Variants in SDCCAG8 observed in about 807,000 individuals in gnomAD.
SDCCAG8 encodes SHH signaling and ciliogenesis regulator SDCCAG8, also known as serologically defined colon cancer antigen 8.
A neutral mutation model predicts 101.8 loss-of-function variants in SDCCAG8; 74 were observed. The observed-to-expected ratio is 0.73, with a 90% CI of 0.60 to 0.88. SDCCAG8 has a LOEUF of 0.88. Ranked by LOEUF, SDCCAG8 falls within the 40% of genes least tolerant of loss-of-function variation. SDCCAG8 has a pLI of 0.00. For synonymous variants in SDCCAG8, 281 were observed against 292.9 expected (o/e 0.96, Z 0.41); for missense variants, 787 against 822.6 (o/e 0.96, Z 0.53).
In SDCCAG8 at chr1:243,499,750, T is replaced by G; in HGVS notation, c.2113-6T>G. On this transcript the variant is annotated splice_region_variant and splice_polypyrimidine_tract_variant and intron_variant, in intron 17 of 17. Transcript: ENST00000366541. Reference sequence around the variant, plus strand: ...ATTGAAACTTACTTTTTATTATTTTTTCCAGTTACCCAGCATGCCACAATC... The same window carrying G: ...ATTGAAACTTACTTTTTATTATTTTGTCCAGTTACCCAGCATGCCACAATC... 6.2e-7 allele frequency: 1 copy of G among 1,610,042 alleles called. No homozygotes were observed. Among genetic ancestry groups the G allele is most frequent in the Non-Finnish European group, 8.5e-7 (1 of 1,176,438 alleles).
intron 16 of SDCCAG8, among the ~76,000 whole-genome samples, chr1:243,452,017 C>CGA (rs2083392802): frequency 6.6e-6 from 1 of 152,144 alleles, no homozygotes; most frequent in Non-Finnish European, 1.5e-5. Flanking sequence ...AAAACCCTTC[C>CGA]ATCAAAGGCC....
chr1:243,367,355 G>T (rs1172489988), intron 12 of SDCCAG8, among the ~76,000 whole-genome samples: 1 of 151,896 alleles, frequency 6.6e-6, no homozygotes, highest in Admixed American at 6.6e-5. Flanking sequence ...GTTTATTTTT[G>T]ATTTGAATAC....
chr1:243,391,609 G>T (rs2078703675), intron 13 of SDCCAG8, among the ~76,000 whole-genome samples: 1 of 152,202 alleles, frequency 6.6e-6, no homozygotes. Context: ...AGGCTGCTTG[G>T]TTTTCAGAAT....
chr1:243,496,105 T>C (rs942297588), intron 17 of SDCCAG8, among the ~76,000 whole-genome samples: 4 of 152,242 alleles, frequency 2.6e-5, no homozygotes, highest in Admixed American at 1.3e-4. Context: ...GCTGAGATCA[T>C]TGTGGGCTTG....
chr1:243,456,242 A>G (rs907730207), intron 16 of SDCCAG8, among the ~76,000 whole-genome samples: 3 of 152,184 alleles, frequency 2.0e-5, no homozygotes, highest in Admixed American at 6.5e-5. Context: ...GAGAAGAGTC[A>G]TCGGGTTCTG....
chr1:243,408,095 C>A (rs566149670), intron 13 of SDCCAG8, among the ~76,000 whole-genome samples: 3 of 152,214 alleles, frequency 2.0e-5, no homozygotes, highest in African/African-American at 7.2e-5. Flanking sequence ...TAGAGATTAT[C>A]TTATCATATT....
At chr1:243,426,061 T>C (rs2081317815) in intron 15 of SDCCAG8, among the ~76,000 whole-genome samples, 4 of 152,222 alleles carry the variant, frequency 2.6e-5, no homozygotes, top group African/African-American at 7.2e-5. Flanking sequence ...AACTCTGTTA[T>C]AGAAATTAGG....
intron 16 of SDCCAG8, chr1:243,488,479 G>C (rs1390471199): frequency 5.4e-6 from 1 of 184,246 alleles, no homozygotes; most frequent in East Asian, 1.4e-4. Context: ...AATGGTCTGA[G>C]TGAATTAGCA....
chr1:243,391,035 G>A (rs141449768), intron 13 of SDCCAG8, among the ~76,000 whole-genome samples: 2 of 152,306 alleles, frequency 1.3e-5, no homozygotes, highest in East Asian at 3.9e-4. Flanking sequence ...CTGGGCTCAA[G>A]CGGAACTCCC....
rs34783752 is a variant in SDCCAG8 at position 243,377,830 on chromosome 1, C to CTT, written c.1474-881_1474-880dup. ...GAATTTGAAAATGTTTCTGCCCTTT[C>CTT]TTTTTTTTTTTCTTGTTTTAATAGC... On this transcript the variant is annotated intron_variant, in intron 12 of 17. Transcript: ENST00000366541. Among the ~76,000 whole-genome samples the CTT allele has an allele frequency of 2.3e-3, 330 of 144,896 alleles. 2 individuals carry two copies. Among genetic ancestry groups the CTT allele is most frequent in the African/African-American group, 6.5e-3 (260 of 39,982 alleles).
At chr1:243,433,532 A>G (rs769414623) in intron 16 of SDCCAG8, among the ~76,000 whole-genome samples, 18 of 152,118 alleles carry the variant, frequency 1.2e-4, no homozygotes, top group Non-Finnish European at 2.4e-4. Flanking sequence ...ACCCAGATGC[A>G]AGAAGAAAGT....
chr1:243,387,866 C>CCA (rs1295363169), intron 13 of SDCCAG8, among the ~76,000 whole-genome samples: 1 of 152,088 alleles, frequency 6.6e-6, no homozygotes, highest in Non-Finnish European at 1.5e-5. Flanking sequence ...CAGGTAGGCA[C>CCA]CACCATGCCT....
intron 16 of SDCCAG8, among the ~76,000 whole-genome samples, chr1:243,450,534 T>C (rs1423696342): frequency 1.3e-5 from 2 of 152,252 alleles, no homozygotes; most frequent in Non-Finnish European, 2.9e-5. Context: ...GGGATTCTTG[T>C]CTCGTGGGAA....
chr1:243,317,795 AT>A (rs1320164749), intron 9 of SDCCAG8, among the ~76,000 whole-genome samples: 2 of 152,152 alleles, frequency 1.3e-5, no homozygotes, highest in Non-Finnish European at 2.9e-5. Flanking sequence ...AGTTGCATGT[AT>A]TTTCCCTAGA....
chr1:243,497,177 G>A (rs1423315673), intron 17 of SDCCAG8, among the ~76,000 whole-genome samples: 1 of 152,192 alleles, frequency 6.6e-6, no homozygotes, highest in Non-Finnish European at 1.5e-5. Context: ...CAAGCCAGAT[G>A]TGGGCAGTAA....
chr1:243,319,077 G>T lies in SDCCAG8; in HGVS notation c.1068+2184G>T, dbSNP rs909680167. Among the ~76,000 whole-genome samples the T allele has an allele frequency of 3.3e-5, 5 of 152,224 alleles. No individual in the cohort carries two copies. The East Asian group carries it at 9.7e-4, about 29-fold the overall frequency. On this transcript the variant is annotated intron_variant, in intron 9 of 17. Transcript: ENST00000366541. ...AGGCAGAGGGGAGCAAGCCTCACAA[G>T]GGAGCAGGACTGAGCGAGGAGGAGA...
intron 16 of SDCCAG8, among the ~76,000 whole-genome samples, chr1:243,436,118 A>G (rs1400518787): frequency 6.6e-6 from 1 of 150,998 alleles, no homozygotes; most frequent in African/African-American, 2.4e-5. Flanking sequence ...CACATGATAT[A>G]TCTCTACCAT....
chr1:243,330,798 A>G (rs961722397), intron 10 of SDCCAG8, 106 bp downstream of exon 10: 2 of 1,077,612 alleles, frequency 1.9e-6, no homozygotes, highest in Admixed American at 4.4e-5. Flanking sequence ...AAATTTTAAA[A>G]TCGTTATTAT....
In SDCCAG8 at chr1:243,356,420, C is replaced by CA. The variant is rs1553324173; in HGVS notation, c.1473+12089_1473+12090insA. Among the ~76,000 whole-genome samples the CA allele has an allele frequency of 4.7e-5, 6 of 128,390 alleles. No individual in the cohort carries two copies. In the East Asian group the frequency reaches 9.1e-4, roughly 20 times the overall value. 84.2% of individuals were successfully genotyped at this position (128,390 alleles called of 152,430 possible). A position where few individuals can be genotyped will look rare whatever the true frequency, so the allele number is the denominator to read the frequency against. ...CAAGAAGAGAAAAGAAAAGTAGTGG[C>CA]GGGGGGGTGGTGGGGGAAGTGGGAA... On this transcript the variant is annotated intron_variant, in intron 12 of 17. Transcript: ENST00000366541.
Sources: allele counts gnomAD v4.1 joint callset (sites outside exome capture counted in the v4.1 genomes callset), GRCh38; gene constraint gnomAD v4.1.1; transcripts MANE v1.5; gene names NCBI Gene and HGNC (gene_info 2026-07-23, HGNC 2026-07-21).